AGBL1: variants seen among roughly 807,000 people sequenced by gnomAD.
AGBL1 encodes the protein cytosolic carboxypeptidase 4.
A neutral mutation model predicts 118.9 loss-of-function variants in AGBL1; 130 were observed. The observed-to-expected ratio is 1.09, with a 90% CI of 0.95 to 1.26. The LOEUF (loss-of-function observed/expected upper bound fraction) is 1.26, where lower values mean the gene tolerates loss of function less well. Among genes scored for constraint, AGBL1 ranks in the 50% most tolerant of loss-of-function variants. AGBL1 has a pLI of 0.00. For missense variants in AGBL1, 1,584 were observed against 1,298.1 expected (o/e 1.22, Z -3.38); for synonymous variants, 555 against 478.9 (o/e 1.16, Z -2.08).
intron 6 of AGBL1, among the ~76,000 whole-genome samples, chr15:86,233,381 T>C (rs1597597343): frequency 2.4e-5 from 2 of 81,736 alleles, no homozygotes; most frequent in Admixed American, 2.1e-4. Flanking sequence ...TAGCAAAACC[T>C]TTTTTTTTTT....
intron 18 of AGBL1, among the ~76,000 whole-genome samples, chr15:86,447,948 C>T (rs931033121): frequency 2.0e-5 from 3 of 152,018 alleles, no homozygotes; most frequent in South Asian, 4.2e-4. Context: ...AATTTGAGAT[C>T]GACATGGGCA....
intron 24 of AGBL1, among the ~76,000 whole-genome samples, chr15:87,010,868 G>T (rs951711126): frequency 6.6e-6 from 1 of 152,062 alleles, no homozygotes; most frequent in African/African-American, 2.4e-5. Flanking sequence ...CTATCTATCT[G>T]TTCATCTATC....
At chr15:86,932,815 T>A (rs936397712) in intron 23 of AGBL1, 2 of 152,154 alleles carry the variant, frequency 1.3e-5, no homozygotes, top group African/African-American at 4.8e-5. Flanking sequence ...GTTACTTGAA[T>A]CTGGACTGAT....
intron 22 of AGBL1, among the ~76,000 whole-genome samples, chr15:86,700,891 T>A (rs1285834884): frequency 6.6e-6 from 1 of 152,094 alleles, no homozygotes; most frequent in African/African-American, 2.4e-5. Context: ...GGTGTTCATG[T>A]GGTCTCCACA....
intron 22 of AGBL1, among the ~76,000 whole-genome samples, chr15:86,731,150 G>C (rs1227734119): frequency 6.6e-6 from 1 of 152,012 alleles, no homozygotes; most frequent in African/African-American, 2.4e-5. Flanking sequence ...AACAAATCAG[G>C]GGTCAAAAAG....
At chr15:86,691,017 A>T (rs1220250258) in intron 22 of AGBL1, among the ~76,000 whole-genome samples, 1 of 152,154 alleles carries the variant, frequency 6.6e-6, no homozygotes, top group Non-Finnish European at 1.5e-5. Context: ...TAAGAGGAAC[A>T]AAAGATATTA....
chr15:86,736,779 C>T (rs2077607122), intron 22 of AGBL1, among the ~76,000 whole-genome samples: 1 of 152,200 alleles, frequency 6.6e-6, no homozygotes, highest in Non-Finnish European at 1.5e-5. Context: ...ACATTAATAC[C>T]TGGCTTTTAG....
intron 22 of AGBL1, among the ~76,000 whole-genome samples, chr15:86,847,005 A>G (rs989227844): frequency 1.3e-5 from 2 of 151,878 alleles, no homozygotes; most frequent in African/African-American, 4.8e-5. Context: ...CTATTGATCT[A>G]TCTTTAAATT....
chr15:86,096,730 A>C (rs1412490911), intron 1 of AGBL1, among the ~76,000 whole-genome samples: 1 of 152,188 alleles, frequency 6.6e-6, no homozygotes, highest in African/African-American at 2.4e-5. Flanking sequence ...CAATGCTTCA[A>C]TTCTTTCAAT....
intron 5 of AGBL1, among the ~76,000 whole-genome samples, chr15:86,186,009 T>C (rs994704809): frequency 1.3e-5 from 2 of 152,254 alleles, no homozygotes; most frequent in African/African-American, 4.8e-5. Flanking sequence ...TTTTAAGTAG[T>C]TCCTATAGGG....
At chr15:86,754,326 G>A (rs2077901384) in intron 22 of AGBL1, among the ~76,000 whole-genome samples, 1 of 152,096 alleles carries the variant, frequency 6.6e-6, no homozygotes, top group Admixed American at 6.6e-5. Context: ...TTGAGGGCAG[G>A]TGCCATGAGC....
At chr15:86,087,028 T>C (rs1895703151) in intron 1 of AGBL1, among the ~76,000 whole-genome samples, 1 of 152,208 alleles carries the variant, frequency 6.6e-6, no homozygotes, top group South Asian at 2.1e-4. Context: ...GCTTTATAGA[T>C]AACAACAAAT....
intron 18 of AGBL1, among the ~76,000 whole-genome samples, chr15:86,471,361 A>G (rs1421075491): frequency 1.3e-5 from 2 of 152,194 alleles, no homozygotes; most frequent in African/African-American, 4.8e-5. Flanking sequence ...TGATTTGTAT[A>G]TGATGAACCA....
At chr15:86,708,393 A>G (rs79480610) in intron 22 of AGBL1, among the ~76,000 whole-genome samples, 2,066 of 152,202 alleles carry the variant, frequency 0.014, 35 homozygotes, top group African/African-American at 0.047. Context: ...GAAGGTGGCC[A>G]TCTGCAAGTC....
chr15:86,269,259 G>A (rs1325429454), intron 13 of AGBL1, among the ~76,000 whole-genome samples: 1 of 152,138 alleles, frequency 6.6e-6, no homozygotes, highest in Non-Finnish European at 1.5e-5. Context: ...CATGTTTGTT[G>A]TTTTGCTGGG....
At chr15:86,337,364 G>T (rs775783901) in intron 17 of AGBL1, among the ~76,000 whole-genome samples, 1 of 152,122 alleles carries the variant, frequency 6.6e-6, no homozygotes, top group Non-Finnish European at 1.5e-5. Context: ...GGAAGGAAAA[G>T]AAGGAAGGAA....
chr15:86,590,683 TA>T (rs1192229881), intron 21 of AGBL1, among the ~76,000 whole-genome samples: 1 of 152,144 alleles, frequency 6.6e-6, no homozygotes, highest in Non-Finnish European at 1.5e-5. Context: ...TTGAGACCTT[TA>T]AAGGTGTCAG....
At chr15:86,396,404 G>A (rs1255852436) in intron 17 of AGBL1, among the ~76,000 whole-genome samples, 1 of 151,916 alleles carries the variant, frequency 6.6e-6, no homozygotes, top group Non-Finnish European at 1.5e-5. Context: ...TCCCTCATCA[G>A]CACATTCTCC....
intron 22 of AGBL1, among the ~76,000 whole-genome samples, chr15:86,721,989 G>A (rs1271937675): frequency 3.9e-5 from 6 of 152,118 alleles, no homozygotes; most frequent in Admixed American, 3.9e-4. Flanking sequence ...ACAAACCACT[G>A]CTCAAGGAAA....
Sources: allele counts gnomAD v4.1 joint callset (sites outside exome capture counted in the v4.1 genomes callset), GRCh38; gene constraint gnomAD v4.1.1; transcripts MANE v1.5; gene names NCBI Gene and HGNC (gene_info 2026-07-23, HGNC 2026-07-21).